Variants in ST8SIA1 observed in about 807,000 individuals in gnomAD.
ST8SIA1 encodes alpha-N-acetylneuraminide alpha-2,8-sialyltransferase.
ST8SIA1 carries 16 observed loss-of-function variants against 35.9 expected under a neutral mutation model. The observed-to-expected ratio is 0.45, with a 90% CI of 0.30 to 0.68. ST8SIA1 has a LOEUF of 0.68. Ranked by LOEUF, ST8SIA1 falls within the 30% of genes least tolerant of loss-of-function variation. The pLI is 0.09. For missense variants in ST8SIA1, 383 were observed against 453.6 expected (o/e 0.84, Z 1.41); for synonymous variants, 170 against 169.6 (o/e 1.00, Z -0.02).
At chr12:22,298,295 A>G (rs550952590) in intron 1 of ST8SIA1, among the ~76,000 whole-genome samples, 1 of 152,332 alleles carries the variant, frequency 6.6e-6, no homozygotes, top group African/African-American at 2.4e-5. Context: ...ATAGCCAGTC[A>G]GTCAGATGCA....
At chr12:22,299,381 C>A (rs1461279064) in intron 1 of ST8SIA1, among the ~76,000 whole-genome samples, 1 of 151,912 alleles carries the variant, frequency 6.6e-6, no homozygotes, top group Non-Finnish European at 1.5e-5. Flanking sequence ...AAAGAGAAAT[C>A]ATTTTATATG....
At chr12:22,249,122 T>C (rs1194487746) in intron 3 of ST8SIA1, 24 bp from the exon 4 acceptor site, 2 of 1,451,344 alleles carry the variant, frequency 1.4e-6, no homozygotes, top group Non-Finnish European at 9.7e-7. Context: ...AACAAACATT[T>C]TGGAACAATT....
rs1368071924 is a variant in ST8SIA1, at chr12:22,197,815, T to C, written c.*3737A>G. On this transcript the variant is annotated 3_prime_UTR_variant, in exon 5 of 5. Coordinates refer to ENST00000396037, the MANE Select transcript of ST8SIA1 (RefSeq NM_003034.4). ...CAGTATTGTCTGAACATGTGCCATT[T>C]GAGATCATTTACTTCCTACCCTTGT... The C allele has an allele frequency of 2.0e-5, 3 of 152,306 alleles. No homozygotes were observed. The highest frequency in any genetic ancestry group is 3.4e-3 in the Middle Eastern group (1 of 294). 9.4% of individuals were successfully genotyped at this position (152,306 alleles called of 1,614,324 possible). A position where few individuals can be genotyped will look rare whatever the true frequency, so the allele number is the denominator to read the frequency against.
At chr12:22,267,165 T>G (rs1421798822) in intron 2 of ST8SIA1, among the ~76,000 whole-genome samples, 1 of 152,162 alleles carries the variant, frequency 6.6e-6, no homozygotes, top group Admixed American at 6.5e-5. Flanking sequence ...TTTGCTACAC[T>G]AAAAGGTGGT....
At chr12:22,300,115 T>G in intron 1 of ST8SIA1, among the ~76,000 whole-genome samples, 1 of 152,150 alleles carries the variant, frequency 6.6e-6, no homozygotes, top group Admixed American at 6.6e-5. Flanking sequence ...TCTGTGTATC[T>G]TTATGTGCTT....
At chr12:22,238,170 C>CCT (rs1555156081) in intron 4 of ST8SIA1, among the ~76,000 whole-genome samples, 2 of 152,042 alleles carry the variant, frequency 1.3e-5, no homozygotes, top group Admixed American at 6.6e-5. Flanking sequence ...AACTCCCCCC[C>CCT]CAACAAGAGG....
intron 2 of ST8SIA1, among the ~76,000 whole-genome samples, chr12:22,263,273 C>T (rs1370943264): frequency 1.3e-5 from 2 of 152,160 alleles, no homozygotes; most frequent in Non-Finnish European, 2.9e-5. Context: ...TAGGATATAT[C>T]AGATTATTAT....
At chr12:22,285,871 C>CAAA (rs1264234503) in intron 2 of ST8SIA1, among the ~76,000 whole-genome samples, 32 of 94,912 alleles carry the variant, frequency 3.4e-4, no homozygotes, top group South Asian at 7.3e-4. Context: ...AAGACTCTGT[C>CAAA]AAAAACAAAA....
chr12:22,330,858 T>C (rs914039792), intron 1 of ST8SIA1, among the ~76,000 whole-genome samples: 1 of 152,172 alleles, frequency 6.6e-6, no homozygotes, highest in African/African-American at 2.4e-5. Context: ...TGGGTGAGGA[T>C]CTGATGGAAG....
At chr12:22,244,419 C>T (rs1865575313) in intron 4 of ST8SIA1, among the ~76,000 whole-genome samples, 1 of 152,062 alleles carries the variant, frequency 6.6e-6, no homozygotes, top group Non-Finnish European at 1.5e-5. Flanking sequence ...TTACTTGCTA[C>T]ATCTTTGTCC....
intron 1 of ST8SIA1, among the ~76,000 whole-genome samples, chr12:22,319,325 CTTGCATACAG>C (rs1431042745): frequency 1.3e-5 from 2 of 152,138 alleles, no homozygotes; most frequent in Admixed American, 6.5e-5. Flanking sequence ...TAGCACTGTG[CTTGCATACAG>C]TTGGTACTCA....
chr12:22,295,755 T>G (rs1458541377), intron 1 of ST8SIA1, among the ~76,000 whole-genome samples: 1 of 152,144 alleles, frequency 6.6e-6, no homozygotes, highest in African/African-American at 2.4e-5. Flanking sequence ...AAAAAGAACC[T>G]ACTTGATTTT....
intron 4 of ST8SIA1, among the ~76,000 whole-genome samples, chr12:22,246,946 T>C (rs949828588): frequency 6.6e-6 from 1 of 152,220 alleles, no homozygotes; most frequent in African/African-American, 2.4e-5. Context: ...TGCTTGTCCA[T>C]GCGTGTTTTC....
At chr12:22,238,610 T>G (rs1274282456) in intron 4 of ST8SIA1, among the ~76,000 whole-genome samples, 6 of 152,202 alleles carry the variant, frequency 3.9e-5, no homozygotes, top group Non-Finnish European at 5.9e-5. Context: ...TGTTGCTGCT[T>G]AAGACCAAAG....
At chr12:22,265,981 A>C (rs1323879632) in intron 2 of ST8SIA1, among the ~76,000 whole-genome samples, 2 of 152,050 alleles carry the variant, frequency 1.3e-5, no homozygotes, top group South Asian at 4.2e-4. Flanking sequence ...TCAACACCCT[A>C]AACTTCCTGT....
At chr12:22,290,316 T>A (rs919046338) in intron 1 of ST8SIA1, among the ~76,000 whole-genome samples, 2 of 152,100 alleles carry the variant, frequency 1.3e-5, no homozygotes, top group African/African-American at 2.4e-5. Flanking sequence ...GGGGTCCTCA[T>A]TAGCTCACCA....
intron 1 of ST8SIA1, among the ~76,000 whole-genome samples, chr12:22,309,274 G>A (rs990178884): frequency 2.6e-5 from 4 of 152,008 alleles, no homozygotes; most frequent in African/African-American, 9.7e-5. Context: ...AAGAGAAACC[G>A]GCCCTTTCAA....
rs1193617871 is a variant in ST8SIA1 at position 22,195,188 on chromosome 12, C to CAAAAAAAAAAAAAAAAAAAAAA, written c.*6342_*6363dup. 2.0e-5 allele frequency: 1 copy of CAAAAAAAAAAAAAAAAAAAAAA among 51,050 alleles called. No homozygotes were observed. The highest frequency in any genetic ancestry group is 6.9e-5 in the African/African-American group (1 of 14,410). 3.2% of individuals were successfully genotyped at this position (51,050 alleles called of 1,614,324 possible). On this transcript the variant is annotated 3_prime_UTR_variant, in exon 5 of 5. Coordinates refer to ENST00000396037, the MANE Select transcript of ST8SIA1 (RefSeq NM_003034.4). The stretch of plus-strand genomic sequence containing the variant: ...ACAAGAGCAAAAAACTCTGTCTCAA[C>CAAAAAAAAAAAAAAAAAAAAAA]AAAAAAAAAAAAAAAAAAAAAAAAG...
chr12:22,256,864 G>A (rs1027419177), intron 2 of ST8SIA1, among the ~76,000 whole-genome samples: 12 of 152,190 alleles, frequency 7.9e-5, no homozygotes, highest in African/African-American at 2.7e-4. Flanking sequence ...GATCCAGAGA[G>A]AAGAGACGGG....
Sources: gnomAD v4.1 joint callset for allele counts (sites outside exome capture counted in the v4.1 genomes callset) on GRCh38, gnomAD v4.1.1 for gene constraint, MANE v1.5 for transcripts, NCBI Gene and HGNC (gene_info 2026-07-23, HGNC 2026-07-21) for gene names.